The following ATM variants were observed in gnomAD, a reference collection of about 807,000 sequenced individuals.
The protein encoded by ATM is ATM serine/threonine kinase.
ATM carries 308 observed loss-of-function variants against 387.0 expected under a neutral mutation model. That is an observed-to-expected ratio of 0.80 (90% CI 0.73 to 0.87). The LOEUF is 0.87. ATM is among the 40% of genes least tolerant of loss of function. The pLI is 0.00. For missense variants in ATM, 3,312 were observed against 3,560.9 expected, an observed-to-expected ratio of 0.93 and a Z score of 1.78; for synonymous variants, 1,156 against 1,187.3, an observed-to-expected ratio of 0.97 and a Z score of 0.54.
intron 34 of ATM, 36 bp downstream of exon 34, chr11:108,299,921 T>C (rs764229567): frequency 4.5e-6 from 7 of 1,566,318 alleles, no homozygotes; most frequent in Middle Eastern, 1.8e-4. Flanking sequence ...GTAATCTCAA[T>C]ATGACATTCA....
chr11:108,366,933 A>G lies in ATM; in HGVS notation c.*1425A>G, dbSNP rs1159158739. Reference sequence around the variant, plus strand: ...AGCCGTGGGTTAATGAGACTGGCAAATTGTTCCAGGACAGCTACAGCATCA... The same window carrying G: ...AGCCGTGGGTTAATGAGACTGGCAAGTTGTTCCAGGACAGCTACAGCATCA... On this transcript the variant is annotated 3_prime_UTR_variant, in exon 63 of 63. Transcript: ENST00000675843. The G allele has an allele frequency of 4.5e-6, 1 of 221,894 alleles. No individual in the cohort carries two copies. The highest frequency in any genetic ancestry group is 9.0e-6 in the Non-Finnish European group (1 of 110,872). 13.7% of individuals were successfully genotyped at this position (221,894 alleles called of 1,614,324 possible).
Position 108,282,903 on chromosome 11 carries a change from G to GA in ATM, c.3746+27dup. 7.0e-7 allele frequency: 1 copy of GA among 1,425,266 alleles called. No homozygotes were observed. The highest frequency in any genetic ancestry group is 9.8e-7 in the Non-Finnish European group (1 of 1,020,436). 88.3% of individuals were successfully genotyped at this position (1,425,266 alleles called of 1,614,324 possible). A position where few individuals can be genotyped will look rare whatever the true frequency, so the allele number is the denominator to read the frequency against. ...AGGTAAGTTTATACATGACATATGT[G>GA]AAATTTGTTTAATTTAAAATTAGTT... On this transcript the variant is annotated intron_variant, in intron 25 of 62. Coordinates refer to ENST00000675843, the MANE Select transcript of ATM (RefSeq NM_000051.4).
chr11:108,267,049 G>T (rs546030478), intron 16 of ATM, 122 bp from the exon 17 acceptor site: 2 of 983,076 alleles, frequency 2.0e-6, no homozygotes, highest in South Asian at 1.4e-5. Flanking sequence ...ACCTGGCTCT[G>T]CCTCCCAAAT....
intron 34 of ATM, among the ~76,000 whole-genome samples, chr11:108,300,410 T>C (rs2083363829): frequency 6.6e-6 from 1 of 152,252 alleles, no homozygotes; most frequent in African/African-American, 2.4e-5. Context: ...GAGATTACTT[T>C]TGCGTGCATG....
chr11:108,349,415 A>C (rs1376296303), intron 59 of ATM, among the ~76,000 whole-genome samples: 1 of 152,204 alleles, frequency 6.6e-6, no homozygotes, highest in African/African-American at 2.4e-5. Context: ...CTGTAATCCC[A>C]ACACTTTGGG....
chr11:108,354,058 TACACACACACAAACACACACAC>T (rs1222791166), intron 60 of ATM, among the ~76,000 whole-genome samples, 178 bp downstream of exon 60: 28 of 67,058 alleles, frequency 4.2e-4, no homozygotes, highest in East Asian at 7.8e-4. Flanking sequence ...TCTAAAAAAA[TACACACACACAAACACACACAC>T]ACACACACAC....
chr11:108,314,251 G>A (rs2084415288), intron 40 of ATM, among the ~76,000 whole-genome samples: 1 of 152,020 alleles, frequency 6.6e-6, no homozygotes, highest in Non-Finnish European at 1.5e-5. Context: ...AAGTAGCTGG[G>A]ACTACAGGCA....
rs1055848270 is a variant in ATM, at chr11:108,312,335, A to G, written c.5919-76A>G. The G allele has an allele frequency of 1.1e-5, 12 of 1,122,284 alleles. No homozygotes were observed. The African/African-American group carries it at 1.6e-4, about 15-fold the overall frequency. The allele number at this position is 1,122,284 out of a possible 1,614,324, so 69.5% of individuals were successfully genotyped here. A position where few individuals can be genotyped will look rare whatever the true frequency, so the allele number is the denominator to read the frequency against. ...CCACCTTCATTAGTTTTTTTCTGTC[A>G]AAGTCTATAGTATATGTATTCAGGA... On this transcript the variant is annotated intron_variant, in intron 39 of 62. Coordinates refer to ENST00000675843, the MANE Select transcript of ATM (RefSeq NM_000051.4).
intron 5 of ATM, among the ~76,000 whole-genome samples, chr11:108,241,191 A>C (rs549840997): frequency 6.6e-6 from 1 of 152,206 alleles, no homozygotes; most frequent in Admixed American, 6.5e-5. Context: ...AGGGACATGC[A>C]CAGAGCTTTC....
At chr11:108,358,420 G>A (rs1207563597) in intron 61 of ATM, among the ~76,000 whole-genome samples, 13 of 148,502 alleles carry the variant, frequency 8.8e-5, no homozygotes, top group South Asian at 6.6e-4. Context: ...GCAGGCCAAC[G>A]TTCAGATTCA....
chr11:108,317,617 A>G, intron 43 of ATM, 96 bp downstream of exon 43: 1 of 25,322 alleles, frequency 3.9e-5, no homozygotes, highest in South Asian at 1.7e-3. Context: ...GAGTTGTTTT[A>G]TATATATATA....
chr11:108,264,161 A>G lies in ATM; in HGVS notation c.2467-3010A>G, dbSNP rs1224504912. On this transcript the variant is annotated intron_variant, in intron 16 of 62. Transcript: ENST00000675843. ...CCAGCATCATACTGATACCAAAGCC[A>G]GGCAGAGACACAACCAAAAAAGAGA... 4.0e-3 allele frequency among the ~76,000 whole-genome samples: 610 copies of G among 150,954 alleles called. 5 individuals are homozygous for G. Among genetic ancestry groups the G allele is most frequent in the African/African-American group, 0.014 (561 of 40,360 alleles).
chr11:108,243,803 T>A (rs1409555953), intron 5 of ATM, 150 bp from the exon 6 acceptor site: 27 of 708,998 alleles, frequency 3.8e-5, no homozygotes, highest in South Asian at 3.7e-4. Flanking sequence ...TAAATACTGA[T>A]GGAGTACTTT....
chr11:108,346,624 T>C (rs918739848), intron 58 of ATM: 1 of 153,388 alleles, frequency 6.5e-6, no homozygotes, highest in African/African-American at 2.4e-5. Flanking sequence ...ACATAGAGAA[T>C]CACTAATCTG....
intron 30 of ATM, 50 bp downstream of exon 30, chr11:108,292,843 T>C: frequency 1.9e-6 from 3 of 1,584,240 alleles, no homozygotes; most frequent in Non-Finnish European, 2.6e-6. Context: ...TATAAAGTAT[T>C]GTTAGAAGGA....
intron 25 of ATM, among the ~76,000 whole-genome samples, chr11:108,283,150 T>C (rs943619256): frequency 3.5e-4 from 54 of 152,216 alleles, no homozygotes; most frequent in African/African-American, 1.3e-3. Flanking sequence ...TTTTTTAATA[T>C]GTAAAGTAAG....
intron 22 of ATM, among the ~76,000 whole-genome samples, chr11:108,276,657 C>G (rs1006251941): frequency 6.6e-6 from 1 of 152,200 alleles, no homozygotes; most frequent in Non-Finnish European, 1.5e-5. Flanking sequence ...TGGAGGTCCA[C>G]TCCAGACCCT....
intron 34 of ATM, among the ~76,000 whole-genome samples, chr11:108,301,413 C>A (rs2083423640): frequency 6.6e-6 from 1 of 152,102 alleles, no homozygotes; most frequent in Admixed American, 6.6e-5. Flanking sequence ...ATAGTAGTCA[C>A]AATTAAACTG....
chr11:108,253,782 G>C (rs2135364653), intron 12 of ATM, 32 bp from the exon 13 acceptor site: 2 of 1,549,252 alleles, frequency 1.3e-6, no homozygotes, highest in Non-Finnish European at 1.8e-6. Context: ...TAGGTACTTG[G>C]TTTATATATT....
Sources: allele counts gnomAD v4.1 joint callset (sites outside exome capture counted in the v4.1 genomes callset), GRCh38; gene constraint gnomAD v4.1.1; transcripts MANE v1.5; gene names NCBI Gene and HGNC (gene_info 2026-07-23, HGNC 2026-07-21).